Variants in DYNC2H1 observed in about 807,000 individuals in gnomAD.
DYNC2H1 encodes the protein dynein cytoplasmic 2 heavy chain 1, also known as cytoplasmic dynein 2 heavy chain 1.
DYNC2H1 carries 410 observed loss-of-function variants against 570.0 expected under a neutral mutation model. The observed-to-expected ratio is 0.72, with a 90% CI of 0.66 to 0.78. DYNC2H1 has a LOEUF of 0.78. Ranked by LOEUF, DYNC2H1 falls within the 30% of genes least tolerant of loss-of-function variation. DYNC2H1 has a pLI of 0.00. For synonymous variants in DYNC2H1, 1,688 were observed against 1,677.6 expected, an observed-to-expected ratio of 1.01 and a Z score of -0.15; for missense variants, 4,865 against 5,046.4, an observed-to-expected ratio of 0.96 and a Z score of 1.09.
In DYNC2H1 at chr11:103,415,724, T is replaced by C. The variant is rs191774425; in HGVS notation, c.12366+15852T>C. Among the ~76,000 whole-genome samples, 617 of 152,292 alleles carry C rather than the reference T, an allele frequency of 4.1e-3. 3 individuals are homozygous for C. Among genetic ancestry groups the C allele is most frequent in the African/African-American group, 0.014 (572 of 41,558 alleles). On this transcript the variant is annotated intron_variant, in intron 84 of 88. Transcript: ENST00000375735. ...GTGGGACTGTAAACTGGTTCAACCA[T>C]TGTGGAAGACAGTGTGGCGATTCCT...
intron 83 of DYNC2H1, among the ~76,000 whole-genome samples, chr11:103,394,084 A>G (rs879277127): frequency 6.6e-6 from 1 of 152,106 alleles, no homozygotes; most frequent in Non-Finnish European, 1.5e-5. Flanking sequence ...TACTTGATCT[A>G]CTAGTTTCCT....
In DYNC2H1 at chr11:103,170,061, T is replaced by C. The variant is rs1415217166; in HGVS notation, c.4969-47T>C. On this transcript the variant is annotated intron_variant, in intron 32 of 88. Transcript: ENST00000375735. The surrounding 1 kb of genome is among the most constrained non-coding windows in gnomAD (Gnocchi z 4.8). ...CTCATGCTGTAAAAATATTTGTAAA[T>C]GTTGAATAGAACATGAATACTCTGA... 5 of 1,438,074 alleles carry C rather than the reference T, an allele frequency of 3.5e-6. No homozygotes were observed. Among genetic ancestry groups the C allele is most frequent in the Non-Finnish European group, 4.7e-6 (5 of 1,073,732 alleles). 89.1% of individuals were successfully genotyped at this position (1,438,074 alleles called of 1,614,324 possible).
chr11:103,460,363 T>A (rs1944967517), intron 87 of DYNC2H1, among the ~76,000 whole-genome samples: 1 of 151,818 alleles, frequency 6.6e-6, no homozygotes, highest in Non-Finnish European at 1.5e-5. Context: ...AGTTTTATTG[T>A]GTCAAAATGT....
At chr11:103,365,708 C>T (rs541699085) in intron 83 of DYNC2H1, among the ~76,000 whole-genome samples, 119 of 152,298 alleles carry the variant, frequency 7.8e-4, no homozygotes, top group African/African-American at 2.7e-3. Context: ...GGAAAATTTT[C>T]TCTCTTTCCC....
rs910569828 is a variant in DYNC2H1 at position 103,222,669 on chromosome 11, G to T, written c.9232-296G>T. Among the ~76,000 whole-genome samples, 5 of 152,168 alleles carry T rather than the reference G, an allele frequency of 3.3e-5. No individual in the cohort carries two copies. The East Asian group carries it at 9.6e-4, about 29-fold the overall frequency. ...AAAGAATTGATGCTCAAACATTGTTGTGGATGACACATGTATTCATTAGAA... is the reference window on the plus strand; with the variant it reads ...AAAGAATTGATGCTCAAACATTGTTTTGGATGACACATGTATTCATTAGAA... On this transcript the variant is annotated intron_variant, in intron 58 of 88. Transcript: ENST00000375735.
At chr11:103,121,331 G>T (rs1450768376) in intron 9 of DYNC2H1, 41 bp from the exon 10 acceptor site, 5 of 1,543,430 alleles carry the variant, frequency 3.2e-6, no homozygotes, top group Middle Eastern at 1.7e-4. Flanking sequence ...GGAAATCTTT[G>T]CTAATTCTTT....
chr11:103,154,433 C>T lies in DYNC2H1; in HGVS notation c.3303-18C>T. The T allele has an allele frequency of 6.7e-7, 1 of 1,502,042 alleles. No individual in the cohort carries two copies. Among genetic ancestry groups the T allele is most frequent in the Non-Finnish European group, 8.8e-7 (1 of 1,132,384 alleles). The allele number at this position is 1,502,042 out of a possible 1,614,324, so 93.0% of individuals were successfully genotyped here. On this transcript the variant is annotated intron_variant, in intron 22 of 88. Coordinates refer to ENST00000375735, the MANE Select transcript of DYNC2H1 (RefSeq NM_001377.3). ...TTTCTGTTTTTAAAATTTAATATTTCAATATTTGTTTCTATAGTGATGATT... is the reference window on the plus strand; with the variant it reads ...TTTCTGTTTTTAAAATTTAATATTTTAATATTTGTTTCTATAGTGATGATT...
At chr11:103,141,399 G>A (rs540125522) in intron 17 of DYNC2H1, among the ~76,000 whole-genome samples, 1 of 152,246 alleles carries the variant, frequency 6.6e-6, no homozygotes, top group East Asian at 1.9e-4. Context: ...TGTCCTTTCT[G>A]TTTGTTAGTT....
At position 103,203,351 on chromosome 11, in the gene DYNC2H1, G is replaced by A. The variant is rs1386234871; in HGVS notation, c.8198-312G>A. Among the ~76,000 whole-genome samples, 1 of 152,104 alleles carries A rather than the reference G, an allele frequency of 6.6e-6. No homozygotes were observed. Among genetic ancestry groups the A allele is most frequent in the African/African-American group, 2.4e-5 (1 of 41,440 alleles). ...TGACTGTAAGTATACATTCCAAGAAGAGAGAATATTTTGTTGTGTTTATGG... is the reference window on the plus strand; with the variant it reads ...TGACTGTAAGTATACATTCCAAGAAAAGAGAATATTTTGTTGTGTTTATGG... On this transcript the variant is annotated intron_variant, in intron 50 of 88. Coordinates refer to ENST00000375735, the MANE Select transcript of DYNC2H1 (RefSeq NM_001377.3). This position sits in a 1 kb window ranked among gnomAD's most constrained non-coding sequence, Gnocchi z 4.7.
chr11:103,441,538 A>G (rs1316670136), intron 85 of DYNC2H1, among the ~76,000 whole-genome samples: 1 of 152,172 alleles, frequency 6.6e-6, no homozygotes, highest in Non-Finnish European at 1.5e-5. Flanking sequence ...CCATCCAAGC[A>G]TGTAGACAGT....
intron 60 of DYNC2H1, among the ~76,000 whole-genome samples, chr11:103,233,806 T>C (rs1411562855): frequency 1.3e-5 from 2 of 150,574 alleles, no homozygotes; most frequent in Non-Finnish European, 3.0e-5. Context: ...GTCAAGTTTT[T>C]TGAGGTAGAG....
chr11:103,283,544 A>T (rs550360316), intron 73 of DYNC2H1, among the ~76,000 whole-genome samples: 1 of 152,200 alleles, frequency 6.6e-6, no homozygotes, highest in Non-Finnish European at 1.5e-5. Context: ...AGCACCTGAT[A>T]AAAACAGTAA....
rs1265136252 is a variant in DYNC2H1, at chr11:103,245,234, C to A, written c.9919-17C>A. On this transcript the variant is annotated splice_polypyrimidine_tract_variant and intron_variant, in intron 64 of 88. Coordinates refer to ENST00000375735, the MANE Select transcript of DYNC2H1 (RefSeq NM_001377.3). The surrounding 1 kb of genome is among the most constrained non-coding windows in gnomAD (Gnocchi z 4.5). ...AGTAATTAAATAATTAATACGTATT[C>A]TTTTTTATTCAATTAGGATAGTAAC... The A allele has an allele frequency of 1.3e-6, 2 of 1,492,064 alleles. No homozygotes were observed. The highest frequency in any genetic ancestry group is 1.4e-5 in the African/African-American group (1 of 70,680). The allele number at this position is 1,492,064 out of a possible 1,614,324, so 92.4% of individuals were successfully genotyped here. A position where few individuals can be genotyped will look rare whatever the true frequency, so the allele number is the denominator to read the frequency against.
At chr11:103,220,052 T>C in intron 56 of DYNC2H1, 24 bp downstream of exon 56, 2 of 1,295,128 alleles carry the variant, frequency 1.5e-6, no homozygotes, top group Non-Finnish European at 2.1e-6. Flanking sequence ...CATTCTAAGA[T>C]CCATTTACAT....
At chr11:103,475,824 T>C (rs2073453674) in intron 88 of DYNC2H1, among the ~76,000 whole-genome samples, 2 of 152,182 alleles carry the variant, frequency 1.3e-5, no homozygotes, top group South Asian at 4.1e-4. Flanking sequence ...ATTATTAAGT[T>C]CCTAATTTAA....
Position 103,191,558 on chromosome 11 carries a change from C to A in DYNC2H1, c.7479C>A (p.Phe2493Leu). The A allele has an allele frequency of 9.3e-6, 15 of 1,609,924 alleles. No homozygotes were observed. Among genetic ancestry groups the A allele is most frequent in the Non-Finnish European group, 1.3e-5 (15 of 1,178,046 alleles). Residue 2493 changes from phenylalanine (F) to leucine (L), a missense_variant, in exon 46 of 89, where the codon TTC (phenylalanine) becomes TTA (leucine). By Grantham distance (22) the Phe-to-Leu change is conservative. Transcript: ENST00000375735. ...KFTVDDYSHY[F>L]FTPCILTQWV... ...CAGTTGATGATTATAGTCACTATTT[C>A]TTTACTCCTTGCATTCTTACCCAAT... is the stretch of plus-strand genomic sequence containing the variant.
At chr11:103,397,834 G>A (rs1942461507) in intron 83 of DYNC2H1, among the ~76,000 whole-genome samples, 1 of 152,198 alleles carries the variant, frequency 6.6e-6, no homozygotes, top group African/African-American at 2.4e-5. Context: ...GGTCGAGGCT[G>A]CAGTAAGCCA....
chr11:103,180,506 T>A (rs1332260878), intron 39 of DYNC2H1, among the ~76,000 whole-genome samples: 1 of 151,738 alleles, frequency 6.6e-6, no homozygotes, highest in Non-Finnish European at 1.5e-5. Flanking sequence ...GTGAAAGGCA[T>A]AATGAATGTA....
chr11:103,120,961 A>T lies in DYNC2H1; in HGVS notation c.1285A>T (p.Lys429Ter). 1 of 1,566,958 alleles carries T rather than the reference A, an allele frequency of 6.4e-7. No homozygotes were observed. The highest frequency in any genetic ancestry group is 8.6e-7 in the Non-Finnish European group (1 of 1,158,740). The change falls in exon 9 of 89, where the codon AAG becomes TAG. Residue 429 changes from lysine to a stop codon, truncating the protein, a stop_gained. Coordinates refer to ENST00000375735, the MANE Select transcript of DYNC2H1 (RefSeq NM_001377.3). LOFTEE classifies it high-confidence loss of function. ...ATTCCTGAAATATAAAGAGTTGGTA[A>T]AGCGTCCAACTATAAGCAAAGAATT... is the stretch of plus-strand genomic sequence containing the variant. ...QAFLKYKELV[K>*]RPTISKELML...
Sources: gnomAD v4.1 joint callset for allele counts (sites outside exome capture counted in the v4.1 genomes callset) on GRCh38, gnomAD v4.1.1 for gene constraint, Gnocchi (gnomAD v3.1) non-coding constraint, MANE v1.5 for transcripts, NCBI Gene and HGNC (gene_info 2026-07-23, HGNC 2026-07-21) for gene names.